The following DISP1 variants were observed in gnomAD, a reference collection of about 807,000 sequenced individuals.
DISP1 encodes the protein dispatched RND transporter family member 1.
DISP1 carries 30 observed loss-of-function variants against 37.3 expected under a neutral mutation model. That is an observed-to-expected ratio of 0.80 (90% CI 0.60 to 1.09). The LOEUF is 1.09. Ranked by LOEUF, DISP1 falls within the 50% of genes least tolerant of loss-of-function variation. DISP1 has a pLI of 0.00. For synonymous variants in DISP1, 634 were observed against 690.2 expected (o/e 0.92, Z 1.28); for missense variants, 1,598 against 1,879.5 (o/e 0.85, Z 2.77).
chr1:222,969,160 C>T (rs1676730432), intron 3 of DISP1, among the ~76,000 whole-genome samples: 1 of 151,636 alleles, frequency 6.6e-6, no homozygotes, highest in Non-Finnish European at 1.5e-5. Context: ...CATCTGACGT[C>T]AGGAGTTCGA....
At chr1:222,859,535 T>C (rs1668757255) in intron 1 of DISP1, among the ~76,000 whole-genome samples, 1 of 152,150 alleles carries the variant, frequency 6.6e-6, no homozygotes, top group Non-Finnish European at 1.5e-5. Context: ...AGAGAAGATA[T>C]TATATCCACA....
intron 4 of DISP1, among the ~76,000 whole-genome samples, chr1:222,986,784 G>C (rs1678306907): frequency 6.6e-6 from 1 of 152,168 alleles, no homozygotes; most frequent in Admixed American, 6.5e-5. Flanking sequence ...AACCTCAGCA[G>C]CTAGTACAGC....
Position 223,004,606 on chromosome 1 carries a change from G to A in DISP1, c.3209G>A (p.Gly1070Asp), listed in dbSNP as rs74148215. ...YRLAPDPDRE[G>D]KVIFSLSRVG... ...TTGGCTCCAGATCCCGACCGAGAAG[G>A]CAAAGTGATCTTCTCTCTGAGTCGC... The change falls in exon 9 of 9, where the codon GGC becomes GAC. Residue 1070 changes from glycine (G) to aspartate (D), a missense_variant. Coordinates refer to ENST00000675850, the MANE Select transcript of DISP1 (RefSeq NM_001377229.1). The surrounding 1 kb of genome is among the most constrained non-coding windows in gnomAD (Gnocchi z 4.9). 952 of 1,614,072 alleles carry A rather than the reference G, an allele frequency of 5.9e-4. 8 individuals are homozygous for A. The African/African-American group carries it at 0.011, about 19-fold the overall frequency.
In DISP1 at chr1:223,004,866, G is replaced by T; in HGVS notation, c.3469G>T (p.Ala1157Ser). 6.2e-7 allele frequency: 1 copy of T among 1,608,944 alleles called. No individual in the cohort carries two copies. The highest frequency in any genetic ancestry group is 1.7e-5 in the Admixed American group (1 of 60,018). Residue 1157 changes from alanine to serine, a missense_variant, in exon 9 of 9, where the codon GCC becomes TCC. Transcript: ENST00000675850. This position sits in a 1 kb window ranked among gnomAD's most constrained non-coding sequence, Gnocchi z 4.9. ...ACTACAGTGCAGTGCCTTTTCCCAT[G>T]CCTTGTCTACAAGTCCCAGTGACAA... ...KKLQCSAFSH[A>S]LSTSPSDKGQ...
intron 3 of DISP1, among the ~76,000 whole-genome samples, chr1:222,947,993 A>C (rs749389059): frequency 5.9e-5 from 9 of 152,188 alleles, no homozygotes; most frequent in Non-Finnish European, 1.2e-4. Flanking sequence ...GGATGATTGG[A>C]TATCGGAGGG....
chr1:222,981,756 T>C (rs1479792040), intron 3 of DISP1, among the ~76,000 whole-genome samples: 7 of 152,184 alleles, frequency 4.6e-5, no homozygotes, highest in Admixed American at 4.6e-4. Flanking sequence ...GGAGGACAGG[T>C]TTTTACATTT....
chr1:222,913,374 C>T (rs980505658), intron 1 of DISP1, among the ~76,000 whole-genome samples: 8 of 152,132 alleles, frequency 5.3e-5, no homozygotes, highest in African/African-American at 1.7e-4. Flanking sequence ...AGACATTACT[C>T]TTAGACTCAA....
chr1:222,836,110 C>T (rs954294836), intron 1 of DISP1, among the ~76,000 whole-genome samples: 5 of 152,084 alleles, frequency 3.3e-5, no homozygotes, highest in Non-Finnish European at 5.9e-5. Flanking sequence ...TCTGAGGGCA[C>T]ACTTGGTACT....
chr1:222,913,490 A>G (rs1444798803), intron 1 of DISP1, among the ~76,000 whole-genome samples: 1 of 152,044 alleles, frequency 6.6e-6, no homozygotes, highest in East Asian at 1.9e-4. Flanking sequence ...TCATTCTTCT[A>G]TTTGCTTAGC....
chr1:222,960,109 C>G (rs1249540864), intron 3 of DISP1, among the ~76,000 whole-genome samples: 2 of 152,164 alleles, frequency 1.3e-5, no homozygotes, highest in Non-Finnish European at 2.9e-5. Flanking sequence ...TTGAACTCAG[C>G]TCTGGATCAA....
rs77704592 is a variant in DISP1, at chr1:222,950,126, G to A, written c.509+6794G>A. On this transcript the variant is annotated intron_variant, in intron 3 of 8. Transcript: ENST00000675850. Reference sequence around the variant, plus strand: ...AGTTGAGAGGTGGGAAGGATCCCCTGGAAGGATCCCTGTAGGTTATTGAGG... The same window carrying A: ...AGTTGAGAGGTGGGAAGGATCCCCTAGAAGGATCCCTGTAGGTTATTGAGG... 6.1e-3 allele frequency among the ~76,000 whole-genome samples: 923 copies of A among 152,264 alleles called. 13 individuals are homozygous for A. Among genetic ancestry groups the A allele is most frequent in the African/African-American group, 0.021 (867 of 41,540 alleles).
chr1:222,919,200 A>G (rs944462285), intron 1 of DISP1, among the ~76,000 whole-genome samples: 5 of 152,374 alleles, frequency 3.3e-5, no homozygotes, highest in African/African-American at 1.2e-4. Context: ...GTGCAGGCCG[A>G]AAGAGTGGGG....
intron 3 of DISP1, among the ~76,000 whole-genome samples, chr1:222,954,613 A>G (rs746073392): frequency 6.6e-6 from 1 of 152,204 alleles, no homozygotes; most frequent in Non-Finnish European, 1.5e-5. Flanking sequence ...AACTCTCTGA[A>G]TGCCAAAATC....
At chr1:222,841,510 T>G (rs1217831234) in intron 1 of DISP1, among the ~76,000 whole-genome samples, 1 of 152,206 alleles carries the variant, frequency 6.6e-6, no homozygotes, top group African/African-American at 2.4e-5. Flanking sequence ...TTCCAAAGTT[T>G]ATGTGTTTAA....
chr1:222,976,663 T>G (rs138214433), intron 3 of DISP1, among the ~76,000 whole-genome samples: 1 of 152,204 alleles, frequency 6.6e-6, no homozygotes, highest in Admixed American at 6.5e-5. Flanking sequence ...CTATAGTTGT[T>G]TCTCTCCAGG....
At position 222,997,962 on chromosome 1, in the gene DISP1, T is replaced by C. The variant is rs368516357; in HGVS notation, c.987+2980T>C. Among the ~76,000 whole-genome samples the C allele has an allele frequency of 3.0e-4, 45 of 152,232 alleles. No individual in the cohort carries two copies. The Middle Eastern group carries it at 0.01, about 35-fold the overall frequency. ...CCCCAAAAGTCTACCTCAAAGAGTATGGTTATCATTTTAGCTTGTTAAATA... is the reference window on the plus strand; with the variant it reads ...CCCCAAAAGTCTACCTCAAAGAGTACGGTTATCATTTTAGCTTGTTAAATA... On this transcript the variant is annotated intron_variant, in intron 8 of 8. Transcript: ENST00000675850.
intron 1 of DISP1, among the ~76,000 whole-genome samples, chr1:222,836,346 C>A (rs1182187543): frequency 1.3e-5 from 2 of 152,162 alleles, no homozygotes; most frequent in African/African-American, 2.4e-5. Context: ...AATGTGTGAC[C>A]AAACTTTAAT....
chr1:222,982,949 T>C (rs1677944629), intron 3 of DISP1, 131 bp from the exon 4 acceptor site: 1 of 727,872 alleles, frequency 1.4e-6, no homozygotes, highest in East Asian at 2.6e-5. Flanking sequence ...TTTTTTTTTT[T>C]AACACTTCCA....
chr1:222,915,071 C>T (rs1444189618), intron 1 of DISP1, among the ~76,000 whole-genome samples: 1 of 152,176 alleles, frequency 6.6e-6, no homozygotes, highest in Non-Finnish European at 1.5e-5. Context: ...CTGAGTTCAG[C>T]TGTGGTTGTC....
Sources: gnomAD v4.1 joint callset for allele counts (sites outside exome capture counted in the v4.1 genomes callset) on GRCh38, gnomAD v4.1.1 for gene constraint, Gnocchi (gnomAD v3.1) non-coding constraint, MANE v1.5 for transcripts, NCBI Gene and HGNC (gene_info 2026-07-23, HGNC 2026-07-21) for gene names.